The following SETBP1 variants were observed in gnomAD, a reference collection of about 807,000 sequenced individuals.
SETBP1 encodes SET-binding protein.
A neutral mutation model predicts 101.0 loss-of-function variants in SETBP1; 9 were observed. That is an observed-to-expected ratio of 0.09 (90% CI 0.05 to 0.16). The LOEUF (loss-of-function observed/expected upper bound fraction) is 0.16. Among genes scored for constraint, SETBP1 ranks in the 10% least tolerant of loss-of-function variants. The pLI is 1.00. For synonymous variants in SETBP1, 818 were observed against 788.5 expected (o/e 1.04, Z -0.63); for missense variants, 1,858 against 2,033.8 (o/e 0.91, Z 1.66).
At chr18:45,032,034 C>T (rs2073307545) in intron 4 of SETBP1, among the ~76,000 whole-genome samples, 2 of 152,134 alleles carry the variant, frequency 1.3e-5, no homozygotes, top group South Asian at 2.1e-4. Context: ...GCAGGCCCTC[C>T]TTCTGCTTCT....
At chr18:44,991,990 C>T (rs1399105971) in intron 4 of SETBP1, among the ~76,000 whole-genome samples, 1 of 151,982 alleles carries the variant, frequency 6.6e-6, no homozygotes, top group Non-Finnish European at 1.5e-5. Context: ...ACATTAAAAG[C>T]CCCAAATCAT....
intron 4 of SETBP1, among the ~76,000 whole-genome samples, chr18:44,960,816 C>T (rs1406117984): frequency 1.3e-5 from 2 of 152,164 alleles, no homozygotes; most frequent in Non-Finnish European, 2.9e-5. Context: ...CCCACCTGCC[C>T]TTCCTCCTCC....
chr18:44,693,378 A>G (rs541182560), intron 1 of SETBP1, among the ~76,000 whole-genome samples: 1 of 152,304 alleles, frequency 6.6e-6, no homozygotes, highest in East Asian at 1.9e-4. Flanking sequence ...GAAACCAAGA[A>G]TGGCACAAAT....
intron 1 of SETBP1, among the ~76,000 whole-genome samples, chr18:44,700,293 C>T (rs1261703301): frequency 6.6e-6 from 1 of 152,042 alleles, no homozygotes; most frequent in Non-Finnish European, 1.5e-5. Context: ...GAGGAAGATC[C>T]TGGGGGGACT....
chr18:44,731,660 G>A (rs987798844), intron 2 of SETBP1, among the ~76,000 whole-genome samples: 11 of 150,614 alleles, frequency 7.3e-5, no homozygotes, highest in South Asian at 4.2e-4. Context: ...ACACGCGCAC[G>A]CACACACACA....
chr18:44,907,441 A>C (rs1234876535), intron 3 of SETBP1, among the ~76,000 whole-genome samples: 4 of 152,190 alleles, frequency 2.6e-5, no homozygotes, highest in Non-Finnish European at 4.4e-5. Flanking sequence ...ACTGTTTTCC[A>C]AAGCAGTTGC....
chr18:44,853,043 C>T (rs575768110), intron 2 of SETBP1, among the ~76,000 whole-genome samples: 1 of 152,294 alleles, frequency 6.6e-6, no homozygotes, highest in Admixed American at 6.5e-5. Context: ...GACCTTGGGG[C>T]ATTTAATGTT....
intron 1 of SETBP1, among the ~76,000 whole-genome samples, chr18:44,687,359 G>A (rs1322134841): frequency 3.9e-5 from 6 of 152,162 alleles, no homozygotes; most frequent in South Asian, 2.1e-4. Context: ...CTTTAATGGC[G>A]CCGCCAACAA....
At chr18:44,774,622 G>A (rs2070954041) in intron 2 of SETBP1, among the ~76,000 whole-genome samples, 1 of 152,054 alleles carries the variant, frequency 6.6e-6, no homozygotes, top group Non-Finnish European at 1.5e-5. Context: ...GATAGGGTGC[G>A]AGCACATGGG....
chr18:44,873,949 A>G (rs1322505114), intron 3 of SETBP1, among the ~76,000 whole-genome samples: 1 of 152,184 alleles, frequency 6.6e-6, no homozygotes, highest in Non-Finnish European at 1.5e-5. Context: ...CATCATGACC[A>G]ATTTTAAGCT....
At chr18:44,923,783 T>C (rs752353274) in intron 3 of SETBP1, among the ~76,000 whole-genome samples, 2 of 152,200 alleles carry the variant, frequency 1.3e-5, no homozygotes, top group African/African-American at 2.4e-5. Context: ...TTGGTTGTTA[T>C]GGAAAATGAG....
rs572180509 is a variant in SETBP1 at position 44,721,951 on chromosome 18, G to T, written c.486+20119G>T. On this transcript the variant is annotated intron_variant, in intron 2 of 5. Coordinates refer to ENST00000649279, the MANE Select transcript of SETBP1 (RefSeq NM_015559.3). ...AGGCTCCCCACCGAAGCAAATCTTT[G>T]TGGCTTCTGATAATTTGCATATTGT... Among the ~76,000 whole-genome samples the T allele has an allele frequency of 1.5e-4, 23 of 152,338 alleles. 1 individual carries two copies. Among genetic ancestry groups the T allele is most frequent in the African/African-American group, 3.8e-4 (16 of 41,574 alleles).
At chr18:44,801,120 G>T (rs113410977) in intron 2 of SETBP1, among the ~76,000 whole-genome samples, 3,433 of 152,188 alleles carry the variant, frequency 0.023, 35 homozygotes, top group Non-Finnish European at 0.034. Flanking sequence ...ATCACACACC[G>T]GGGCCTGTCG....
chr18:44,903,160 C>A (rs1223055520), intron 3 of SETBP1, among the ~76,000 whole-genome samples: 1 of 152,102 alleles, frequency 6.6e-6, no homozygotes, highest in African/African-American at 2.4e-5. Context: ...AACACTGATT[C>A]CACATCAGTT....
chr18:44,795,539 C>T (rs537128399), intron 2 of SETBP1, among the ~76,000 whole-genome samples: 1 of 152,304 alleles, frequency 6.6e-6, no homozygotes, highest in Admixed American at 6.5e-5. Context: ...AACTCATCTA[C>T]TGGTTACATC....
At chr18:45,056,267 T>C (rs894397618) in intron 5 of SETBP1, among the ~76,000 whole-genome samples, 8 of 152,234 alleles carry the variant, frequency 5.3e-5, no homozygotes, top group African/African-American at 1.9e-4. Context: ...AAAGTCTTGC[T>C]TTTCTAAAAT....
intron 2 of SETBP1, among the ~76,000 whole-genome samples, chr18:44,726,796 T>C (rs2069717672): frequency 6.6e-6 from 1 of 152,212 alleles, no homozygotes; most frequent in South Asian, 2.1e-4. Context: ...ATAATTTGTT[T>C]TTGTAATAAT....
chr18:45,024,935 T>C (rs957059256), intron 4 of SETBP1, among the ~76,000 whole-genome samples: 5 of 152,210 alleles, frequency 3.3e-5, no homozygotes, highest in Non-Finnish European at 2.9e-5. Flanking sequence ...TTTCCAAATC[T>C]CATTTACATA....
intron 3 of SETBP1, among the ~76,000 whole-genome samples, chr18:44,916,087 A>T (rs1378067648): frequency 1.3e-5 from 2 of 152,118 alleles, no homozygotes; most frequent in South Asian, 4.2e-4. Context: ...TTAGCCAGTC[A>T]TGGTGGTACG....
Sources: gnomAD v4.1 joint callset for allele counts (sites outside exome capture counted in the v4.1 genomes callset) on GRCh38, gnomAD v4.1.1 for gene constraint, MANE v1.5 for transcripts, NCBI Gene and HGNC (gene_info 2026-07-23, HGNC 2026-07-21) for gene names.